The following CORO7 variants were observed in gnomAD, a reference collection of about 807,000 sequenced individuals.
The protein encoded by CORO7 is coronin-7.
CORO7 carries 107 observed loss-of-function variants against 126.6 expected under a neutral mutation model. The observed-to-expected ratio is 0.85, with a 90% CI of 0.72 to 0.99. CORO7 has a LOEUF of 0.99. Among genes scored for constraint, CORO7 ranks in the 50% least tolerant of loss-of-function variants. The pLI, the probability that CORO7 is intolerant of heterozygous loss-of-function variation, is 0.00. For missense variants in CORO7, 1,314 were observed against 1,255.8 expected (o/e 1.05, Z -0.70); for synonymous variants, 603 against 536.8 (o/e 1.12, Z -1.70).
At chr16:4,391,933 A>G (rs1457779157) in intron 7 of CORO7, among the ~76,000 whole-genome samples, 3 of 152,116 alleles carry the variant, frequency 2.0e-5, no homozygotes, top group South Asian at 4.1e-4. Flanking sequence ...GCAGGAGGGG[A>G]GGCGCGTGCC....
intron 23 of CORO7, among the ~76,000 whole-genome samples, 157 bp from the exon 24 acceptor site, chr16:4,358,640 C>T (rs1446624067): frequency 6.6e-6 from 1 of 152,206 alleles, no homozygotes; most frequent in Non-Finnish European, 1.5e-5. Flanking sequence ...AACCTGCTCT[C>T]TGGAGGGAAA....
chr16:4,392,767 T>G (rs1383628094), intron 7 of CORO7, among the ~76,000 whole-genome samples: 1 of 152,156 alleles, frequency 6.6e-6, no homozygotes, highest in East Asian at 1.9e-4. Flanking sequence ...AGAAGCCAGG[T>G]GTGGGCCAGA....
At chr16:4,386,807 A>C in intron 9 of CORO7, among the ~76,000 whole-genome samples, 1 of 151,474 alleles carries the variant, frequency 6.6e-6, no homozygotes, top group African/African-American at 2.4e-5. Context: ...TGTCACCCTG[A>C]CCCCTACCCC....
intron 9 of CORO7, among the ~76,000 whole-genome samples, chr16:4,374,285 G>C (rs1050505658): frequency 6.6e-6 from 1 of 152,056 alleles, no homozygotes; most frequent in Non-Finnish European, 1.5e-5. Context: ...AGAGTCAGCC[G>C]GATCGCTTTC....
intron 5 of CORO7, 137 bp from the exon 6 acceptor site, chr16:4,405,704 C>T (rs1007782020): frequency 9.8e-7 from 1 of 1,020,892 alleles, no homozygotes; most frequent in African/African-American, 1.6e-5. Context: ...GGGGCAAGGG[C>T]AGCAGCTTCT....
chr16:4,372,026 G>C (rs1377970061), intron 9 of CORO7: 1 of 151,982 alleles, frequency 6.6e-6, no homozygotes, highest in Non-Finnish European at 1.5e-5. Context: ...GGCTGCGGGC[G>C]GGGAAGGGGG....
rs751663147 is a variant in CORO7, at chr16:4,388,570, T to A, written c.677A>T (p.His226Leu). 2 of 1,612,932 alleles carry A rather than the reference T, an allele frequency of 1.2e-6. No homozygotes were observed. The highest frequency in any genetic ancestry group is 1.7e-6 in the Non-Finnish European group (2 of 1,179,808). ...CTGGTTGAATCCAGTAGACACAAGG[T>A]GCTCCCAGGTGCCCATCCATGCCAG... ...SRLAWMGTWE[H>L]LVSTGFNQMR... The change falls in exon 8 of 28, where the codon CAC (histidine) becomes CTC (leucine). Residue 226 changes from histidine to leucine, a missense_variant. Coordinates refer to ENST00000251166, the MANE Select transcript of CORO7 (RefSeq NM_024535.5).
In CORO7 at chr16:4,407,634, G is replaced by A. The variant is rs369013532; in HGVS notation, c.354C>T (p.Pro118=). 6.1e-5 allele frequency: 98 copies of A among 1,609,196 alleles called. No individual in the cohort carries two copies. The highest frequency in any genetic ancestry group is 2.4e-4 in the Admixed American group (14 of 59,276). ...GGTCCTCGGGGCCCAGCACCACCCC[G>A]GGTGCTGAGGGCAGGGCCTGGCCAG... The part of the protein sequence containing the change: ...PGPGQALPSA[P]GVVLGPEDLP... The change falls in exon 5 of 28, where the codon CCC becomes CCT. Residue 118 remains proline (P), a synonymous_variant. Coordinates refer to ENST00000251166, the MANE Select transcript of CORO7 (RefSeq NM_024535.5).
At chr16:4,391,277 C>A (rs1339964628) in intron 7 of CORO7, among the ~76,000 whole-genome samples, 2 of 152,072 alleles carry the variant, frequency 1.3e-5, no homozygotes, top group African/African-American at 4.8e-5. Context: ...AAACACTAGG[C>A]CGGCACAGTG....
Position 4,400,825 on chromosome 16 carries a change from A to AATAATG in CORO7, c.564+4665_564+4666insCATTAT, listed in dbSNP as rs764085492. Among the ~76,000 whole-genome samples the AATAATG allele has an allele frequency of 6.0e-3, 893 of 149,676 alleles. 11 individuals are homozygous for AATAATG. The highest frequency in any genetic ancestry group is 0.019 in the African/African-American group (778 of 40,904). The stretch of plus-strand genomic sequence containing the variant: ...TAATAATAATAATAATAATAATAAT[A>AATAATG]ATAATAATGTTTACCATTGGTTCCT... On this transcript the variant is annotated intron_variant, in intron 6 of 27. Coordinates refer to ENST00000251166, the MANE Select transcript of CORO7 (RefSeq NM_024535.5).
At chr16:4,404,919 T>C (rs1034128134) in intron 6 of CORO7, among the ~76,000 whole-genome samples, 3 of 152,184 alleles carry the variant, frequency 2.0e-5, no homozygotes, top group Non-Finnish European at 4.4e-5. Flanking sequence ...CTTCATTGCC[T>C]TCCCATTACC....
intron 6 of CORO7, among the ~76,000 whole-genome samples, chr16:4,395,655 T>A (rs2055558314): frequency 6.6e-6 from 1 of 152,166 alleles, no homozygotes; most frequent in Non-Finnish European, 1.5e-5. Context: ...CTCTTCCAAC[T>A]ACCCTATGAA....
intron 5 of CORO7, among the ~76,000 whole-genome samples, chr16:4,406,766 A>C (rs1017545893): frequency 5.3e-4 from 81 of 151,746 alleles, no homozygotes; most frequent in Non-Finnish European, 5.4e-4. Context: ...CAGCCTCCTG[A>C]GTAGCTGGGA....
chr16:4,410,084 G>A (rs747148269), intron 3 of CORO7, among the ~76,000 whole-genome samples: 4 of 152,144 alleles, frequency 2.6e-5, no homozygotes, highest in Non-Finnish European at 4.4e-5. Context: ...CACCTTGCAA[G>A]CATCACCAAC....
intron 12 of CORO7, 30 bp downstream of exon 12, chr16:4,364,745 C>G: frequency 6.2e-7 from 1 of 1,601,710 alleles, no homozygotes; most frequent in Non-Finnish European, 8.5e-7. Flanking sequence ...CTCCCCAGCC[C>G]CCGCAGTCCC....
chr16:4,391,508 A>T (rs1399543183), intron 7 of CORO7, among the ~76,000 whole-genome samples: 1 of 152,194 alleles, frequency 6.6e-6, no homozygotes, highest in Non-Finnish European at 1.5e-5. Flanking sequence ...GTGAGCCGAG[A>T]CTGTGCCCCT....
chr16:4,396,908 C>T (rs897639559), intron 6 of CORO7, among the ~76,000 whole-genome samples: 1 of 149,850 alleles, frequency 6.7e-6, no homozygotes, highest in African/African-American at 2.5e-5. Flanking sequence ...CCCAGCTACT[C>T]AGGGGGCGGA....
rs939769932 is a variant in CORO7, at chr16:4,388,081, C to T, written c.703-13G>A. The T allele has an allele frequency of 1.5e-5, 24 of 1,608,274 alleles. No homozygotes were observed. The Admixed American group carries it at 2.2e-4, about 15-fold the overall frequency. On this transcript the variant is annotated splice_polypyrimidine_tract_variant and intron_variant, in intron 8 of 27. Coordinates refer to ENST00000251166, the MANE Select transcript of CORO7 (RefSeq NM_024535.5). Reference sequence around the variant, plus strand: ...CGCGCTCACGCATCTGCAGGGAGGGCGAGAGAGGGGCTCAGAGGGGCCTGT... The same window carrying T: ...CGCGCTCACGCATCTGCAGGGAGGGTGAGAGAGGGGCTCAGAGGGGCCTGT...
chr16:4,361,120 G>A (rs939243891), intron 18 of CORO7, 35 bp from the exon 19 acceptor site: 23 of 1,613,210 alleles, frequency 1.4e-5, no homozygotes, highest in Non-Finnish European at 1.7e-5. Flanking sequence ...GAGCCCTTGG[G>A]AGACACTGGC....
Sources: allele counts gnomAD v4.1 joint callset (sites outside exome capture counted in the v4.1 genomes callset), GRCh38; gene constraint gnomAD v4.1.1; transcripts MANE v1.5; gene names NCBI Gene and HGNC (gene_info 2026-07-23, HGNC 2026-07-21).